The following ADAMTS12 variants were observed in gnomAD, a reference collection of about 807,000 sequenced individuals.
ADAMTS12 encodes ADAM metallopeptidase with thrombospondin type 1 motif 12.
Under a neutral mutation model 167.8 loss-of-function variants are expected in ADAMTS12, and 118 were observed. The observed-to-expected ratio is 0.70, with a 90% CI of 0.61 to 0.82. The LOEUF is 0.82. Among genes scored for constraint, ADAMTS12 ranks in the 40% least tolerant of loss-of-function variants. ADAMTS12 has a pLI of 0.00. For synonymous variants in ADAMTS12, 704 were observed against 716.9 expected (o/e 0.98, Z 0.29); for missense variants, 1,916 against 1,998.8 (o/e 0.96, Z 0.79).
intron 2 of ADAMTS12, among the ~76,000 whole-genome samples, chr5:33,876,821 C>T (rs547638472): frequency 6.6e-6 from 1 of 152,120 alleles, no homozygotes; most frequent in Non-Finnish European, 1.5e-5. Flanking sequence ...TGATACTGTG[C>T]AGTAATTTTG....
rs768685721 is a variant in ADAMTS12, at chr5:33,683,036, A to T, written c.897T>A (p.Ile299=). ...NAIHIVVVRL[I]LLEEEEQGLK... Reference sequence around the variant, plus strand: ...ATGTTACCTCTTCTTCTTCGAGTAGAATGAGCCGAACCACAACAATGTGAA... The same window carrying T: ...ATGTTACCTCTTCTTCTTCGAGTAGTATGAGCCGAACCACAACAATGTGAA... Residue 299 remains isoleucine (I), a synonymous_variant, in exon 5 of 24, where the codon ATT becomes ATA. Coordinates refer to ENST00000504830, the MANE Select transcript of ADAMTS12 (RefSeq NM_030955.4). The T allele has an allele frequency of 6.2e-7, 1 of 1,613,266 alleles. No homozygotes were observed. The highest frequency in any genetic ancestry group is 1.3e-5 in the African/African-American group (1 of 74,900).
Position 33,614,236 on chromosome 5 carries a change from A to C in ADAMTS12, c.2527+2T>G, listed in dbSNP as rs1408171218. On this transcript the variant is annotated splice_donor_variant, in intron 16 of 23. Coordinates refer to ENST00000504830, the MANE Select transcript of ADAMTS12 (RefSeq NM_030955.4). LOFTEE classifies it high-confidence loss of function. Reference sequence around the variant, plus strand: ...TTCATAGTGAGAGCAGCTGTTTCTCACCTGTCCCGCAGGTCACACTGCACT... The same window carrying C: ...TTCATAGTGAGAGCAGCTGTTTCTCCCCTGTCCCGCAGGTCACACTGCACT... 6.2e-7 allele frequency: 1 copy of C among 1,613,252 alleles called. No homozygotes were observed.
At chr5:33,744,911 C>T (rs11739718) in intron 3 of ADAMTS12, among the ~76,000 whole-genome samples, 97,700 of 152,018 alleles carry the variant, frequency 0.64, 32,745 homozygotes, top group Non-Finnish European at 0.75. Context: ...ATCTCCCAGC[C>T]CAAGCAATCC....
At chr5:33,629,198 T>C (rs1247408807) in intron 13 of ADAMTS12, among the ~76,000 whole-genome samples, 2 of 152,162 alleles carry the variant, frequency 1.3e-5, no homozygotes, top group Non-Finnish European at 2.9e-5. Flanking sequence ...CTAAATACCT[T>C]TGCATTGAGA....
In ADAMTS12 at chr5:33,534,816, C is replaced by A. The variant is rs376011336; in HGVS notation, c.4606+17G>T. The stretch of plus-strand genomic sequence containing the variant: ...GTGCAAAGATCTCTTTCTCCCCGAG[C>A]AAACCCATTCACCCACCGGCACTTT... On this transcript the variant is annotated intron_variant, in intron 23 of 23. Coordinates refer to ENST00000504830, the MANE Select transcript of ADAMTS12 (RefSeq NM_030955.4). The A allele has an allele frequency of 3.6e-5, 57 of 1,604,848 alleles. No individual in the cohort carries two copies. The African/African-American group carries it at 7.1e-4, about 20-fold the overall frequency.
chr5:33,684,389 A>C (rs1237431616), intron 3 of ADAMTS12, among the ~76,000 whole-genome samples: 1 of 152,174 alleles, frequency 6.6e-6, no homozygotes, highest in Non-Finnish European at 1.5e-5. Flanking sequence ...GTGCAAGGCA[A>C]TATACCTGGC....
intron 3 of ADAMTS12, among the ~76,000 whole-genome samples, chr5:33,742,521 T>C (rs1744627463): frequency 6.6e-6 from 1 of 152,164 alleles, no homozygotes; most frequent in Non-Finnish European, 1.5e-5. Context: ...CCCAGTGCTC[T>C]TGGAATGCTG....
chr5:33,769,107 G>C (rs1745650344), intron 2 of ADAMTS12, among the ~76,000 whole-genome samples: 2 of 152,120 alleles, frequency 1.3e-5, no homozygotes, highest in South Asian at 4.2e-4. Context: ...GTATGAGAAA[G>C]GCTGGCTTGG....
chr5:33,611,317 T>C (rs1401834278), intron 16 of ADAMTS12, among the ~76,000 whole-genome samples: 1 of 151,846 alleles, frequency 6.6e-6, no homozygotes, highest in Non-Finnish European at 1.5e-5. Context: ...GGAATGCGCT[T>C]CTTGATTGTA....
Position 33,526,269 on chromosome 5 carries a change from G to T in ADAMTS12, c.*919C>A, listed in dbSNP as rs571134071. 1 of 152,156 alleles carries T rather than the reference G, an allele frequency of 6.6e-6. No homozygotes were observed. The highest frequency in any genetic ancestry group is 1.5e-5 in the Non-Finnish European group (1 of 68,038). 9.4% of individuals were successfully genotyped at this position (152,156 alleles called of 1,614,324 possible). ...GCATATACAGCCCCTGCAGCAAGAC[G>T]ATGGTGGGACCTGAGCTCAGGCCTC... On this transcript the variant is annotated 3_prime_UTR_variant, in exon 24 of 24. Transcript: ENST00000504830.
intron 2 of ADAMTS12, among the ~76,000 whole-genome samples, chr5:33,867,764 G>A (rs1749880336): frequency 6.6e-6 from 1 of 152,120 alleles, no homozygotes; most frequent in South Asian, 2.1e-4. Flanking sequence ...GATTCTTACA[G>A]AATTTTTTTA....
At chr5:33,611,234 T>C (rs374394430) in intron 16 of ADAMTS12, among the ~76,000 whole-genome samples, 4 of 152,122 alleles carry the variant, frequency 2.6e-5, no homozygotes, top group East Asian at 3.9e-4. Flanking sequence ...TATTTAACCA[T>C]ATACATGAGA....
rs1055161458 is a variant in ADAMTS12, at chr5:33,526,873, T to C, written c.*315A>G. On this transcript the variant is annotated 3_prime_UTR_variant, in exon 24 of 24. Coordinates refer to ENST00000504830, the MANE Select transcript of ADAMTS12 (RefSeq NM_030955.4). ...GAAATAGCTGGTCTCTTTGTTTTTA[T>C]CTTTAAGGGAGAACAAAAATACAGT... 4 of 239,974 alleles carry C rather than the reference T, an allele frequency of 1.7e-5. No homozygotes were observed. Among genetic ancestry groups the C allele is most frequent in the African/African-American group, 8.9e-5 (4 of 44,722 alleles). 14.9% of individuals were successfully genotyped at this position (239,974 alleles called of 1,614,324 possible).
intron 2 of ADAMTS12, among the ~76,000 whole-genome samples, chr5:33,849,612 T>TATATGTATTGCATAGCAATACAC (rs1749133630): frequency 8.5e-5 from 5 of 58,798 alleles, no homozygotes; most frequent in African/African-American, 3.7e-4. Flanking sequence ...CATAGCAATA[T>TATATGTATTGCATAGCAATACAC]ATATGTATTG....
chr5:33,631,959 T>C (rs1418789442), intron 12 of ADAMTS12, among the ~76,000 whole-genome samples: 1 of 152,162 alleles, frequency 6.6e-6, no homozygotes, highest in African/African-American at 2.4e-5. Context: ...ATGCCAAGCC[T>C]GAGTGCACAG....
rs535947855 is a variant in ADAMTS12 at position 33,686,188 on chromosome 5, C to T, written c.635-2133G>A. On this transcript the variant is annotated intron_variant, in intron 3 of 23. Transcript: ENST00000504830. Reference sequence around the variant, plus strand: ...TTCTCACCCAGTGCCCTCACAAAGCCCTTGGGGCCTTAGCCCTTCTTCTCC... The same window carrying T: ...TTCTCACCCAGTGCCCTCACAAAGCTCTTGGGGCCTTAGCCCTTCTTCTCC... Among the ~76,000 whole-genome samples, 66 of 152,294 alleles carry T rather than the reference C, an allele frequency of 4.3e-4. 1 individual carries two copies. Among genetic ancestry groups the T allele is most frequent in the Non-Finnish European group, 7.3e-4 (50 of 68,032 alleles).
intron 2 of ADAMTS12, among the ~76,000 whole-genome samples, chr5:33,855,930 C>T (rs1466446552): frequency 6.6e-6 from 1 of 152,108 alleles, no homozygotes; most frequent in Non-Finnish European, 1.5e-5. Flanking sequence ...TGATGCCTCA[C>T]TACGTTGTGT....
At chr5:33,771,185 T>C (rs527990850) in intron 2 of ADAMTS12, among the ~76,000 whole-genome samples, 20 of 152,336 alleles carry the variant, frequency 1.3e-4, no homozygotes, top group African/African-American at 4.1e-4. Flanking sequence ...CAACACATGA[T>C]AGACACTCAA....
At chr5:33,774,560 C>T (rs1226204993) in intron 2 of ADAMTS12, among the ~76,000 whole-genome samples, 2 of 152,150 alleles carry the variant, frequency 1.3e-5, no homozygotes, top group Non-Finnish European at 2.9e-5. Flanking sequence ...TACTCTTATT[C>T]CAATTACCCT....
Sources: gnomAD v4.1 joint callset for allele counts (sites outside exome capture counted in the v4.1 genomes callset) on GRCh38, gnomAD v4.1.1 for gene constraint, MANE v1.5 for transcripts, NCBI Gene and HGNC (gene_info 2026-07-23, HGNC 2026-07-21) for gene names.